CNBD2: variants seen among roughly 807,000 people sequenced by gnomAD.
The protein encoded by CNBD2 is cyclic nucleotide-binding domain-containing protein 2.
A neutral mutation model predicts 63.7 loss-of-function variants in CNBD2; 64 were observed. The observed-to-expected ratio is 1.00, with a 90% CI of 0.82 to 1.24. The LOEUF (loss-of-function observed/expected upper bound fraction) is 1.24. Ranked by LOEUF, CNBD2 falls within the 50% of genes most tolerant of loss-of-function variation. The pLI is 0.00. For synonymous variants in CNBD2, 229 were observed against 255.4 expected, an observed-to-expected ratio of 0.90 and a Z score of 0.99; for missense variants, 691 against 713.5, an observed-to-expected ratio of 0.97 and a Z score of 0.36.
chr20:36,028,087 A>G (rs1372959493), intron 11 of CNBD2, among the ~76,000 whole-genome samples: 4 of 152,170 alleles, frequency 2.6e-5, no homozygotes, highest in African/African-American at 7.2e-5. Flanking sequence ...AGGATGCCAC[A>G]CTTCTCTGAT....
chr20:36,029,073 C>A (rs1404305394), intron 11 of CNBD2, among the ~76,000 whole-genome samples: 3 of 151,970 alleles, frequency 2.0e-5, no homozygotes. Context: ...CTGAGGCTAC[C>A]CTGTTCAGTG....
At chr20:35,992,785 C>T (rs1479777583) in intron 7 of CNBD2, among the ~76,000 whole-genome samples, 2 of 149,828 alleles carry the variant, frequency 1.3e-5, no homozygotes, top group Non-Finnish European at 3.0e-5. Context: ...TGAAAAGCAC[C>T]AGCCCCCTCT....
chr20:36,016,331 T>C (rs1466977133), intron 10 of CNBD2, among the ~76,000 whole-genome samples: 6 of 152,116 alleles, frequency 3.9e-5, no homozygotes, highest in African/African-American at 1.4e-4. Context: ...AAACAGGAAA[T>C]CTAAGCAACT....
At chr20:36,022,217 T>TTTTTTTTTTTTTTTTTG (rs561441076) in intron 10 of CNBD2, among the ~76,000 whole-genome samples, 4 of 107,114 alleles carry the variant, frequency 3.7e-5, no homozygotes, top group Non-Finnish European at 5.1e-5. Context: ...TTTTTTTTTT[T>TTTTTTTTTTTTTTTTTG]GAGATGGAGT....
upstream of CNBD2, among the ~76,000 whole-genome samples, chr20:35,963,864 G>A (rs780055715): frequency 1.3e-4 from 20 of 152,168 alleles, no homozygotes; most frequent in Non-Finnish European, 2.6e-4. Context: ...GAGGCCCTAT[G>A]GATCCATACT....
At chr20:35,988,555 C>A (rs1378737414) in intron 7 of CNBD2, among the ~76,000 whole-genome samples, 1 of 152,200 alleles carries the variant, frequency 6.6e-6, no homozygotes, top group Non-Finnish European at 1.5e-5. Flanking sequence ...ATAAACCCAT[C>A]ATCTCAGAGT....
exon 1 of CNBD2, chr20:35,954,765 G>A (rs1600995465): frequency 2.7e-5 from 14 of 518,004 alleles, no homozygotes; most frequent in South Asian, 2.4e-4. Context: ...TGACCTTTGC[G>A]TGCGGGCGCC....
At chr20:35,970,890 C>T (rs1376955208) in intron 1 of CNBD2, among the ~76,000 whole-genome samples, 17 of 150,576 alleles carry the variant, frequency 1.1e-4, no homozygotes, top group Non-Finnish European at 1.5e-5. Flanking sequence ...TAACGATGTA[C>T]TTTTCAATAG....
upstream of CNBD2, among the ~76,000 whole-genome samples, chr20:35,965,596 C>G (rs981109526): frequency 1.3e-5 from 2 of 152,156 alleles, no homozygotes; most frequent in Non-Finnish European, 2.9e-5. Context: ...GACCAGTGCT[C>G]TTTTTGGCAT....
At position 35,976,008 on chromosome 20, in the gene CNBD2, C is replaced by G. The variant is rs775560574; in HGVS notation, c.243+6C>G. 1 of 1,606,814 alleles carries G rather than the reference C, an allele frequency of 6.2e-7. No individual in the cohort carries two copies. The highest frequency in any genetic ancestry group is 1.3e-5 in the African/African-American group (1 of 74,974). On this transcript the variant is annotated splice_donor_region_variant and intron_variant, in intron 3 of 11. Coordinates refer to ENST00000373973, the MANE Select transcript of CNBD2 (RefSeq NM_001365709.1). ...TGGACTTCATTGCAGAGGAGGTATG[C>G]ATAGCTCGAAACTTGCTGTGGGGGA...
chr20:35,999,527 T>G (rs934044588), intron 8 of CNBD2, among the ~76,000 whole-genome samples: 2 of 152,218 alleles, frequency 1.3e-5, no homozygotes, highest in Non-Finnish European at 2.9e-5. Flanking sequence ...TTAAGTGATA[T>G]TATACCACTT....
At chr20:36,026,455 A>G (rs2057284192) in intron 11 of CNBD2, among the ~76,000 whole-genome samples, 1 of 151,980 alleles carries the variant, frequency 6.6e-6, no homozygotes, top group African/African-American at 2.4e-5. Flanking sequence ...ACCCTAATCT[A>G]GTTGTGTTAA....
intron 3 of CNBD2, among the ~76,000 whole-genome samples, 196 bp downstream of exon 3, chr20:35,976,198 T>C (rs1214357498): frequency 6.6e-6 from 1 of 152,144 alleles, no homozygotes; most frequent in African/African-American, 2.4e-5. Context: ...GCCCTGGAGC[T>C]CCAAGACTGT....
At chr20:35,994,196 G>T (rs1281765096) in intron 7 of CNBD2, among the ~76,000 whole-genome samples, 1 of 152,100 alleles carries the variant, frequency 6.6e-6, no homozygotes, top group African/African-American at 2.4e-5. Flanking sequence ...CTCCCGAATA[G>T]CTGGGATTAC....
At chr20:35,981,288 G>T (rs1472721607) in intron 4 of CNBD2, among the ~76,000 whole-genome samples, 6 of 152,114 alleles carry the variant, frequency 3.9e-5, no homozygotes, top group Non-Finnish European at 7.3e-5. Flanking sequence ...GTCTCTGAGG[G>T]TCTTTCTGGC....
chr20:35,993,288 C>T (rs879786473), intron 7 of CNBD2, among the ~76,000 whole-genome samples: 12 of 152,212 alleles, frequency 7.9e-5, no homozygotes, highest in Admixed American at 3.3e-4. Flanking sequence ...GAAGGCTCTC[C>T]TGTGCTCCTT....
chr20:35,995,302 A>G lies in CNBD2; in HGVS notation c.970+150A>G, dbSNP rs1174911924. ...TACCAGCGGTGGAAACCCAGTCTGCAAGGCCCTGCCCTCCTTTCCAGCCTT... is the reference window on the plus strand; with the variant it reads ...TACCAGCGGTGGAAACCCAGTCTGCGAGGCCCTGCCCTCCTTTCCAGCCTT... On this transcript the variant is annotated intron_variant, in intron 8 of 11. Coordinates refer to ENST00000373973, the MANE Select transcript of CNBD2 (RefSeq NM_001365709.1). 5.4e-6 allele frequency: 3 copies of G among 552,358 alleles called. No homozygotes were observed. The African/African-American group carries it at 5.8e-5, about 11-fold the overall frequency. 34.2% of individuals were successfully genotyped at this position (552,358 alleles called of 1,614,324 possible).
intron 10 of CNBD2, among the ~76,000 whole-genome samples, chr20:36,012,174 C>A (rs2057070839): frequency 6.6e-6 from 1 of 152,090 alleles, no homozygotes; most frequent in Non-Finnish European, 1.5e-5. Context: ...GTGGCACACA[C>A]CTGTAATCCC....
intron 2 of CNBD2, among the ~76,000 whole-genome samples, chr20:35,960,916 T>C (rs1163666221): frequency 6.9e-6 from 1 of 145,804 alleles, no homozygotes; most frequent in Non-Finnish European, 1.5e-5. Flanking sequence ...TTTTCTTTCA[T>C]CTTGCTCTGT....
Sources: allele counts gnomAD v4.1 joint callset (sites outside exome capture counted in the v4.1 genomes callset), GRCh38; gene constraint gnomAD v4.1.1; transcripts MANE v1.5; gene names NCBI Gene and HGNC (gene_info 2026-07-23, HGNC 2026-07-21).